NLRC4: variants seen among roughly 807,000 people sequenced by gnomAD.
NLRC4 encodes NLR family CARD domain containing 4, also known as NLR family CARD domain-containing protein 4.
Under a neutral mutation model 79.9 loss-of-function variants are expected in NLRC4, and 63 were observed. The ratio of observed to expected loss-of-function variants is 0.79; its 90% CI spans 0.64 to 0.97. The LOEUF is 0.97. Ranked by LOEUF, NLRC4 falls within the 50% of genes least tolerant of loss-of-function variation. NLRC4 has a pLI of 0.00. For synonymous variants in NLRC4, 461 were observed against 456.5 expected (o/e 1.01, Z -0.12); for missense variants, 1,074 against 1,215.2 (o/e 0.88, Z 1.73).
chr2:32,261,316 C>CCCTTTTTTTTTTT lies in NLRC4; in HGVS notation c.-119+3421_-119+3422insAAAAAAAAAAAGG. 4.5e-4 allele frequency among the ~76,000 whole-genome samples: 44 copies of CCCTTTTTTTTTTT among 96,916 alleles called. 3 individuals carry two copies. Among genetic ancestry groups the CCCTTTTTTTTTTT allele is most frequent in the Admixed American group, 6.0e-4 (5 of 8,338 alleles). The allele number at this position is 96,916 out of a possible 152,430, so 63.6% of individuals were successfully genotyped here. ...TTCTTTCGCCTATTAAGCCTCCCCC[C>CCCTTTTTTTTTTT]TTTTGTTTTTTTTTGAGATGGAGCC... On this transcript the variant is annotated intron_variant, in intron 1 of 8. Transcript: ENST00000402280.
intron 6 of NLRC4, among the ~76,000 whole-genome samples, chr2:32,237,621 A>G (rs1019529808): frequency 6.6e-6 from 1 of 152,348 alleles, no homozygotes; most frequent in South Asian, 2.1e-4. Context: ...TTACACATGT[A>G]TAGTTTATCC....
In NLRC4 at chr2:32,235,455, C is replaced by T. The variant is rs144418059; in HGVS notation, c.2728G>A (p.Val910Ile). 70 of 1,613,972 alleles carry T rather than the reference C, an allele frequency of 4.3e-5. No homozygotes were observed. The Middle Eastern group carries it at 4.9e-4, about 11-fold the overall frequency. The change falls in exon 8 of 9, where the codon GTC becomes ATC. Residue 910 changes from valine (V) to isoleucine (I), a missense_variant. Val to Ile is a conservative substitution (Grantham distance 29, BLOSUM62 3). Coordinates refer to ENST00000402280, the MANE Select transcript of NLRC4 (RefSeq NM_001199138.2). Reference sequence around the variant, plus strand: ...CTCCAGTTTTTCAACCCAAGCTTGACGAGTTGTGGGACCTCCTCCAAATGT... The same window carrying T: ...CTCCAGTTTTTCAACCCAAGCTTGATGAGTTGTGGGACCTCCTCCAAATGT... ...LKHLEEVPQL[V>I]KLGLKNWRLT...
At position 32,224,784 on chromosome 2, in the gene NLRC4, A is replaced by G. The variant is rs951503953; in HGVS notation, c.2783-19T>C. 5 of 1,428,180 alleles carry G rather than the reference A, an allele frequency of 3.5e-6. No individual in the cohort carries two copies. Among genetic ancestry groups the G allele is most frequent in the African/African-American group, 3.0e-5 (2 of 66,198 alleles). 88.5% of individuals were successfully genotyped at this position (1,428,180 alleles called of 1,614,324 possible). On this transcript the variant is annotated intron_variant, in intron 8 of 8. Coordinates refer to ENST00000402280, the MANE Select transcript of NLRC4 (RefSeq NM_001199138.2). The stretch of plus-strand genomic sequence containing the variant: ...AATGCACCTGGGTAAAGAAATAAGT[A>G]TATTAGTTGGAAGAAAAATTTTTTT...
At chr2:32,257,121 A>C (rs1193218192) in intron 1 of NLRC4, among the ~76,000 whole-genome samples, 1 of 152,242 alleles carries the variant, frequency 6.6e-6, no homozygotes, top group East Asian at 1.9e-4. Flanking sequence ...CCTTCTCTTC[A>C]AAGTTTCTTC....
chr2:32,265,274 G>A (rs966142765), upstream of NLRC4, among the ~76,000 whole-genome samples: 13 of 151,850 alleles, frequency 8.6e-5, no homozygotes, highest in Non-Finnish European at 1.6e-4. Context: ...TCTGCCTCCC[G>A]GGTTCAAGCG....
At chr2:32,230,067 C>T (rs1176306588) in intron 8 of NLRC4, among the ~76,000 whole-genome samples, 4 of 152,048 alleles carry the variant, frequency 2.6e-5, no homozygotes, top group African/African-American at 4.8e-5. Context: ...ACAAGAGGCA[C>T]AGTCAATAAA....
chr2:32,238,844 A>G (rs1019029404), intron 5 of NLRC4, among the ~76,000 whole-genome samples: 1 of 152,176 alleles, frequency 6.6e-6, no homozygotes, highest in Non-Finnish European at 1.5e-5. Flanking sequence ...ACCTTATATC[A>G]ACAGTATAAT....
At chr2:32,255,307 G>T (rs1407135358) in intron 2 of NLRC4, among the ~76,000 whole-genome samples, 2 of 151,860 alleles carry the variant, frequency 1.3e-5, no homozygotes, top group Non-Finnish European at 2.9e-5. Context: ...GATTATCTGA[G>T]GTCGGGAGTT....
chr2:32,246,573 A>G (rs1000672490), intron 4 of NLRC4, among the ~76,000 whole-genome samples: 1 of 152,236 alleles, frequency 6.6e-6, no homozygotes, highest in Non-Finnish European at 1.5e-5. Flanking sequence ...CCTGCTTCCC[A>G]TGGCTTCACA....
At chr2:32,249,254 T>C (rs1316148284) in intron 4 of NLRC4, among the ~76,000 whole-genome samples, 1 of 152,234 alleles carries the variant, frequency 6.6e-6, no homozygotes, top group East Asian at 1.9e-4. Context: ...TTGGATAAGC[T>C]TGATTTAATG....
intron 2 of NLRC4, among the ~76,000 whole-genome samples, chr2:32,254,597 G>A (rs1053878618): frequency 2.0e-5 from 3 of 150,306 alleles, no homozygotes; most frequent in African/African-American, 7.4e-5. Flanking sequence ...TTTCTTCCTG[G>A]GCTAGGCTGC....
chr2:32,237,495 T>C (rs545419015), intron 6 of NLRC4, among the ~76,000 whole-genome samples: 3 of 152,324 alleles, frequency 2.0e-5, no homozygotes, highest in South Asian at 4.1e-4. Context: ...TAACTTTATA[T>C]TAGTATACAA....
chr2:32,239,562 T>C (rs1206702479), intron 5 of NLRC4, among the ~76,000 whole-genome samples: 2 of 152,210 alleles, frequency 1.3e-5, no homozygotes, highest in Non-Finnish European at 2.9e-5. Context: ...ATTATATCTA[T>C]GTACTAGGAC....
At position 32,249,824 on chromosome 2, in the gene NLRC4, C is replaced by T; in HGVS notation, c.2040G>A (p.Leu680=). 2 of 1,614,188 alleles carry T rather than the reference C, an allele frequency of 1.2e-6. No homozygotes were observed. The highest frequency in any genetic ancestry group is 1.7e-6 in the Non-Finnish European group (2 of 1,180,032). Residue 680 remains leucine (L), a synonymous_variant, in exon 4 of 9, where the codon CTG becomes CTA. Coordinates refer to ENST00000402280, the MANE Select transcript of NLRC4 (RefSeq NM_001199138.2). ...SKLNKQDIRY[L]GKIFSSATSL... ...TTGTGGCAGAGCTGAATATTTTCCC[C>T]AGATATCTGATATCTTGCTTATTCA...
chr2:32,230,794 T>TCATA (rs1686514467), intron 8 of NLRC4, among the ~76,000 whole-genome samples: 1 of 152,136 alleles, frequency 6.6e-6, no homozygotes, highest in African/African-American at 2.4e-5. Flanking sequence ...AGGAAGAGAG[T>TCATA]TGCTGGGTCA....
At position 32,251,117 on chromosome 2, in the gene NLRC4, G is replaced by A; in HGVS notation, c.747C>T (p.Gly249=). The A allele has an allele frequency of 5.6e-6, 9 of 1,614,132 alleles. No individual in the cohort carries two copies. The highest frequency in any genetic ancestry group is 7.6e-6 in the Non-Finnish European group (9 of 1,180,028). ...AGTTCTGGGGCTTGAATTCATTGTA[G>A]CCATCAAGAAGGAAAAGAACCCTCT... ...LRQRVLFLLD[G]YNEFKPQNCP... The change falls in exon 4 of 9, where the codon GGC becomes GGT. Residue 249 remains glycine, a synonymous_variant. Coordinates refer to ENST00000402280, the MANE Select transcript of NLRC4 (RefSeq NM_001199138.2).
chr2:32,245,604 A>G (rs1686917108), intron 4 of NLRC4, among the ~76,000 whole-genome samples: 1 of 152,204 alleles, frequency 6.6e-6, no homozygotes, highest in Non-Finnish European at 1.5e-5. Context: ...TATATTTAAA[A>G]TAACTAACAG....
At position 32,236,252 on chromosome 2, in the gene NLRC4, TC is replaced by T. The variant is rs1274052281; in HGVS notation, c.2608del (p.Glu870AsnfsTer2). 3 of 1,597,248 alleles carry T rather than the reference TC, an allele frequency of 1.9e-6. No individual in the cohort carries two copies. In the African/African-American group the frequency reaches 4.0e-5, roughly 21 times the overall value. ...LEKDGNEALH[E>X]LIDRMNVLEQ... Reference sequence around the variant, plus strand: ...GGCTGAATTGTCATTCTTACTCAGTTCATGAAGAGCTTCATTTCCATCTTTT... The same window carrying T: ...GGCTGAATTGTCATTCTTACTCAGTTATGAAGAGCTTCATTTCCATCTTTT... On this transcript the variant is annotated frameshift_variant, in exon 7 of 9. Coordinates refer to ENST00000402280, the MANE Select transcript of NLRC4 (RefSeq NM_001199138.2). LOFTEE classifies it high-confidence loss of function.
chr2:32,251,286 G>C lies in NLRC4; in HGVS notation c.578C>G (p.Ala193Gly). 6.2e-7 allele frequency: 1 copy of C among 1,614,142 alleles called. No individual in the cohort carries two copies. The highest frequency in any genetic ancestry group is 8.5e-7 in the Non-Finnish European group (1 of 1,180,010). Residue 193 changes from alanine to glycine, a missense_variant, in exon 4 of 9, where the codon GCT becomes GGT. Coordinates refer to ENST00000402280, the MANE Select transcript of NLRC4 (RefSeq NM_001199138.2). The part of the protein sequence containing the change: ...AMLWGSGKCK[A>G]LTKFKFVFFL... ...GAAGACGAATTTGAACTTGGTCAGA[G>C]CCTTGCACTTTCCGGAGCCCCAGAG...
Sources: gnomAD v4.1 joint callset for allele counts (sites outside exome capture counted in the v4.1 genomes callset) on GRCh38, gnomAD v4.1.1 for gene constraint, MANE v1.5 for transcripts, NCBI Gene and HGNC (gene_info 2026-07-23, HGNC 2026-07-21) for gene names.